BMPR1B: variants seen among roughly 807,000 people sequenced by gnomAD.
BMPR1B encodes the protein bone morphogenetic protein receptor type 1B, also known as bone morphogenetic protein receptor type-1B.
A neutral mutation model predicts 59.1 loss-of-function variants in BMPR1B; 12 were observed. The ratio of observed to expected loss-of-function variants is 0.20; its 90% CI spans 0.13 to 0.33. BMPR1B has a LOEUF of 0.33. Among genes scored for constraint, BMPR1B ranks in the 10% least tolerant of loss-of-function variants. The pLI is 1.00. For missense variants in BMPR1B, 550 were observed against 610.9 expected (o/e 0.90, Z 1.05); for synonymous variants, 237 against 207.3 (o/e 1.14, Z -1.23).
intron 6 of BMPR1B, among the ~76,000 whole-genome samples, chr4:95,117,752 C>G (rs1732178010): frequency 2.0e-5 from 3 of 152,120 alleles, no homozygotes; most frequent in African/African-American, 4.8e-5. Context: ...TGCCACTGCA[C>G]TGCAGCCTGG....
intron 3 of BMPR1B, among the ~76,000 whole-genome samples, chr4:95,084,665 G>C (rs906068064): frequency 3.9e-5 from 6 of 152,162 alleles, no homozygotes; most frequent in Non-Finnish European, 8.8e-5. Flanking sequence ...CATGGGAAAA[G>C]CAATCCCCAT....
At chr4:94,808,694 T>G (rs1354947867) in intron 1 of BMPR1B, among the ~76,000 whole-genome samples, 2 of 152,148 alleles carry the variant, frequency 1.3e-5, no homozygotes, top group African/African-American at 4.8e-5. Flanking sequence ...TTGGTATAAG[T>G]TTCTGTTTTA....
chr4:94,943,134 C>T (rs980996538), intron 2 of BMPR1B, among the ~76,000 whole-genome samples: 10 of 151,866 alleles, frequency 6.6e-5, no homozygotes, highest in Non-Finnish European at 1.3e-4. Context: ...CTGGATACAT[C>T]CACTCACTAT....
At chr4:94,898,495 A>G (rs1193444210) in intron 2 of BMPR1B, among the ~76,000 whole-genome samples, 1 of 151,912 alleles carries the variant, frequency 6.6e-6, no homozygotes, top group Non-Finnish European at 1.5e-5. Flanking sequence ...ATGAGATCTG[A>G]TGGTTTTACA....
chr4:94,915,412 A>G (rs377348741), intron 2 of BMPR1B, among the ~76,000 whole-genome samples: 5 of 152,162 alleles, frequency 3.3e-5, no homozygotes, highest in South Asian at 2.1e-4. Context: ...CTCTGAACCA[A>G]TTCTCACCCC....
chr4:94,873,661 C>T (rs1471981332), intron 1 of BMPR1B, among the ~76,000 whole-genome samples: 1 of 152,072 alleles, frequency 6.6e-6, no homozygotes, highest in Non-Finnish European at 1.5e-5. Flanking sequence ...GCCCACCTCG[C>T]CCTCCCAAAG....
intron 3 of BMPR1B, among the ~76,000 whole-genome samples, chr4:95,009,527 A>T (rs1258550463): frequency 6.6e-6 from 1 of 152,194 alleles, no homozygotes; most frequent in Admixed American, 6.5e-5. Context: ...GTCACAAAAA[A>T]TACATACAAC....
intron 3 of BMPR1B, among the ~76,000 whole-genome samples, chr4:95,084,267 A>T (rs772321211): frequency 6.6e-6 from 1 of 150,946 alleles, no homozygotes; most frequent in Non-Finnish European, 1.5e-5. Context: ...TATATTCAGT[A>T]CTCTGTGTAT....
At chr4:94,972,150 A>T (rs1730815382) in intron 2 of BMPR1B, among the ~76,000 whole-genome samples, 1 of 151,680 alleles carries the variant, frequency 6.6e-6, no homozygotes, top group Non-Finnish European at 1.5e-5. Flanking sequence ...TGATGCGGTA[A>T]AGGAAAACTA....
intron 2 of BMPR1B, among the ~76,000 whole-genome samples, chr4:94,900,911 A>T (rs1214351581): frequency 6.6e-6 from 1 of 151,980 alleles, no homozygotes; most frequent in Non-Finnish European, 1.5e-5. Flanking sequence ...GCACCAAATA[A>T]AGTTGCCCAA....
chr4:94,875,140 AATTCT>A (rs1195470709), intron 1 of BMPR1B, among the ~76,000 whole-genome samples: 2 of 152,182 alleles, frequency 1.3e-5, no homozygotes, highest in Non-Finnish European at 2.9e-5. Flanking sequence ...TGGTGTCTGT[AATTCT>A]ATTATATGGA....
rs755170401 is a variant in BMPR1B, at chr4:94,825,063, G to GTGAA, written c.-182-50765_-182-50764insATGA. Reference sequence around the variant, plus strand: ...TGTTCATGTAGTTTTGATGCCAGAGGTGATTGATACAGACTAGAAGCTCAA... The same window carrying GTGAA: ...TGTTCATGTAGTTTTGATGCCAGAGGTGAATGATTGATACAGACTAGAAGCTCAA... On this transcript the variant is annotated intron_variant, in intron 1 of 12. Coordinates refer to ENST00000515059, the MANE Select transcript of BMPR1B (RefSeq NM_001203.3). Among the ~76,000 whole-genome samples the GTGAA allele has an allele frequency of 1.1e-3, 170 of 152,322 alleles. 1 individual carries two copies. Among genetic ancestry groups the GTGAA allele is most frequent in the Admixed American group, 4.1e-3 (62 of 15,302 alleles).
At chr4:94,916,691 T>G (rs191304227) in intron 2 of BMPR1B, among the ~76,000 whole-genome samples, 97 of 152,356 alleles carry the variant, frequency 6.4e-4, no homozygotes, top group African/African-American at 2.3e-3. Flanking sequence ...CTTAGCCATG[T>G]AGCAGAGAAA....
Position 94,788,256 on chromosome 4 carries a change from C to T in BMPR1B, c.-183+30188C>T, listed in dbSNP as rs1167938778. On this transcript the variant is annotated intron_variant, in intron 1 of 12. Coordinates refer to ENST00000515059, the MANE Select transcript of BMPR1B (RefSeq NM_001203.3). ...CAATATATTCACTTTGAGCTTATGA[C>T]AGTGCACCAGCAGGCATAAAGAAGC... Among the ~76,000 whole-genome samples, 4 of 152,238 alleles carry T rather than the reference C, an allele frequency of 2.6e-5. No individual in the cohort carries two copies. In the East Asian group the frequency reaches 7.7e-4, roughly 29 times the overall value.
chr4:95,080,197 G>A (rs553888490), intron 3 of BMPR1B, among the ~76,000 whole-genome samples: 1 of 152,150 alleles, frequency 6.6e-6, no homozygotes, highest in Non-Finnish European at 1.5e-5. Flanking sequence ...AAATGCCTTA[G>A]CTTATCTTAA....
At chr4:94,895,671 T>A (rs1242172387) in intron 2 of BMPR1B, among the ~76,000 whole-genome samples, 1 of 115,360 alleles carries the variant, frequency 8.7e-6, no homozygotes, top group African/African-American at 3.1e-5. Flanking sequence ...TGTGACATCT[T>A]TTTTTTTTTA....
chr4:94,907,566 A>G (rs893952050), intron 2 of BMPR1B, among the ~76,000 whole-genome samples: 1 of 151,890 alleles, frequency 6.6e-6, no homozygotes, highest in Non-Finnish European at 1.5e-5. Context: ...GTCTATTAAG[A>G]TGTAAATCAA....
At chr4:94,884,397 G>A (rs1420210556) in intron 2 of BMPR1B, among the ~76,000 whole-genome samples, 2 of 152,036 alleles carry the variant, frequency 1.3e-5, no homozygotes, top group Non-Finnish European at 2.9e-5. Context: ...GTGGTGGCAG[G>A]AGCTTGTAAT....
intron 2 of BMPR1B, among the ~76,000 whole-genome samples, chr4:94,953,262 T>A (rs1730016886): frequency 6.6e-6 from 1 of 152,160 alleles, no homozygotes; most frequent in African/African-American, 2.4e-5. Flanking sequence ...CCATTTACAT[T>A]TAAGGTTAAT....
Sources: allele counts gnomAD v4.1 joint callset (sites outside exome capture counted in the v4.1 genomes callset), GRCh38; gene constraint gnomAD v4.1.1; transcripts MANE v1.5; gene names NCBI Gene and HGNC (gene_info 2026-07-23, HGNC 2026-07-21).